The following ASIC2 variants were observed in gnomAD, a reference collection of about 807,000 sequenced individuals.
ASIC2 encodes the protein acid sensing ion channel subunit 2.
Under a neutral mutation model 57.3 loss-of-function variants are expected in ASIC2, and 25 were observed. The ratio of observed to expected loss-of-function variants is 0.44; its 90% confidence interval spans 0.32 to 0.61. ASIC2 has a LOEUF of 0.61. Ranked by LOEUF, ASIC2 falls within the 20% of genes least tolerant of loss-of-function variation. The probability of loss-of-function intolerance (pLI) is 0.06; values close to 1 mark genes in which losing one functional copy is unlikely to be tolerated. For missense variants in ASIC2, 641 were observed against 738.1 expected (o/e 0.87, Z 1.52); for synonymous variants, 319 against 307.5 (o/e 1.04, Z -0.39).
intron 1 of ASIC2, among the ~76,000 whole-genome samples, chr17:33,417,413 C>T (rs1269638391): frequency 1.3e-5 from 2 of 152,148 alleles, no homozygotes; most frequent in East Asian, 1.9e-4. Context: ...GGATTGAAAT[C>T]TGTCTGTCTG....
At chr17:34,063,002 C>T (rs1909028290) in intron 1 of ASIC2, among the ~76,000 whole-genome samples, 1 of 152,120 alleles carries the variant, frequency 6.6e-6, no homozygotes, top group Non-Finnish European at 1.5e-5. Flanking sequence ...AGAAGGAACC[C>T]TCCTTAATTC....
chr17:33,459,022 C>T (rs1265609467), intron 1 of ASIC2, among the ~76,000 whole-genome samples: 1 of 151,902 alleles, frequency 6.6e-6, no homozygotes, highest in Non-Finnish European at 1.5e-5. Context: ...CAACGGGGCT[C>T]TTCTGGTTGA....
intron 1 of ASIC2, among the ~76,000 whole-genome samples, chr17:33,413,987 C>G (rs1018284505): frequency 3.9e-5 from 6 of 152,178 alleles, no homozygotes; most frequent in African/African-American, 1.4e-4. Flanking sequence ...GGCAAGTTGC[C>G]TAAGGAGCAT....
chr17:33,756,178 G>A (rs1910599432), intron 1 of ASIC2, among the ~76,000 whole-genome samples: 1 of 152,236 alleles, frequency 6.6e-6, no homozygotes. Flanking sequence ...AGCCAGCCAG[G>A]GCACCTGACC....
intron 1 of ASIC2, among the ~76,000 whole-genome samples, chr17:33,977,553 G>T (rs192379377): frequency 6.6e-6 from 1 of 152,298 alleles, no homozygotes; most frequent in East Asian, 1.9e-4. Context: ...CCTACTGTTA[G>T]CCAGGCCTTG....
chr17:33,307,262 T>C (rs891714861), intron 1 of ASIC2, among the ~76,000 whole-genome samples: 5 of 145,046 alleles, frequency 3.4e-5, no homozygotes, highest in Non-Finnish European at 7.5e-5. Context: ...CCTCCTTCTC[T>C]TCCTCCTCCT....
chr17:34,089,837 C>A (rs1252226567), intron 1 of ASIC2, among the ~76,000 whole-genome samples: 3 of 152,200 alleles, frequency 2.0e-5, no homozygotes, highest in Non-Finnish European at 4.4e-5. Context: ...TGGTCCAGAT[C>A]ACTCTCTGTG....
At chr17:33,413,609 C>T (rs1910738286) in intron 1 of ASIC2, among the ~76,000 whole-genome samples, 1 of 152,240 alleles carries the variant, frequency 6.6e-6, no homozygotes, top group Non-Finnish European at 1.5e-5. Context: ...CATATCCTGC[C>T]ACGCCCATTC....
intron 1 of ASIC2, among the ~76,000 whole-genome samples, chr17:33,500,423 C>T (rs1208809965): frequency 6.6e-6 from 1 of 152,206 alleles, no homozygotes; most frequent in Non-Finnish European, 1.5e-5. Flanking sequence ...ATCACAATGG[C>T]CCATGGAATG....
At chr17:34,151,337 G>A (rs183841874) in intron 1 of ASIC2, among the ~76,000 whole-genome samples, 1 of 152,188 alleles carries the variant, frequency 6.6e-6, no homozygotes, top group Non-Finnish European at 1.5e-5. Context: ...TGGGAAATGG[G>A]CTGGGAGTTC....
chr17:33,367,743 C>T (rs926767724), intron 1 of ASIC2, among the ~76,000 whole-genome samples: 2 of 152,148 alleles, frequency 1.3e-5, no homozygotes, highest in Admixed American at 1.3e-4. Flanking sequence ...AGACTGCCAC[C>T]ATTGTTAACA....
intron 1 of ASIC2, among the ~76,000 whole-genome samples, chr17:33,493,149 A>T (rs1418123437): frequency 6.6e-6 from 1 of 152,208 alleles, no homozygotes; most frequent in African/African-American, 2.4e-5. Flanking sequence ...TGGGCCCAGC[A>T]AACAAAGGGG....
At chr17:33,756,746 A>G (rs962489459) in intron 1 of ASIC2, among the ~76,000 whole-genome samples, 1 of 152,248 alleles carries the variant, frequency 6.6e-6, no homozygotes, top group Non-Finnish European at 1.5e-5. Flanking sequence ...GTGACAGCCC[A>G]AAGAGAGGCC....
chr17:33,835,016 G>A (rs1037681215), intron 1 of ASIC2, among the ~76,000 whole-genome samples: 8 of 152,218 alleles, frequency 5.3e-5, no homozygotes, highest in Non-Finnish European at 7.4e-5. Context: ...TTGAGTCTTT[G>A]CCATATGCCT....
chr17:33,583,876 A>G (rs1224711112), intron 1 of ASIC2, among the ~76,000 whole-genome samples: 1 of 152,146 alleles, frequency 6.6e-6, no homozygotes, highest in East Asian at 1.9e-4. Context: ...TGTGGTTGAG[A>G]AAGGATCTTG....
At chr17:33,768,072 G>A (rs549933576) in intron 1 of ASIC2, among the ~76,000 whole-genome samples, 5 of 151,722 alleles carry the variant, frequency 3.3e-5, no homozygotes, top group African/African-American at 9.7e-5. Flanking sequence ...GCAGTGGCGC[G>A]ATCTCGGCTC....
At chr17:33,486,618 C>A (rs1373483177) in intron 1 of ASIC2, among the ~76,000 whole-genome samples, 2 of 152,186 alleles carry the variant, frequency 1.3e-5, no homozygotes, top group African/African-American at 4.8e-5. Context: ...TCCAAGATGA[C>A]AACTTACACC....
chr17:34,100,799 C>T (rs528263340), intron 1 of ASIC2, among the ~76,000 whole-genome samples: 2 of 152,306 alleles, frequency 1.3e-5, no homozygotes, highest in African/African-American at 4.8e-5. Flanking sequence ...CTCAATATCA[C>T]CTGGGGAACC....
At chr17:33,886,479 C>A (rs1337342059) in intron 1 of ASIC2, among the ~76,000 whole-genome samples, 1 of 152,156 alleles carries the variant, frequency 6.6e-6, no homozygotes, top group Admixed American at 6.5e-5. Context: ...AAGTATCTTA[C>A]ACAGTCTGAC....
Sources: allele counts gnomAD v4.1 joint callset (sites outside exome capture counted in the v4.1 genomes callset), GRCh38; gene constraint gnomAD v4.1.1; transcripts MANE v1.5; gene names NCBI Gene and HGNC (gene_info 2026-07-23, HGNC 2026-07-21).